The following DENND1B variants were observed in gnomAD, a reference collection of about 807,000 sequenced individuals.
The protein encoded by DENND1B is DENN domain-containing protein 1B.
A neutral mutation model predicts 90.1 loss-of-function variants in DENND1B; 59 were observed. The ratio of observed to expected loss-of-function variants is 0.65; its 90% CI spans 0.53 to 0.81. DENND1B has a LOEUF of 0.81. Ranked by LOEUF, DENND1B falls within the 40% of genes least tolerant of loss-of-function variation. The pLI, the probability that DENND1B is intolerant of heterozygous loss-of-function variation, is 0.00. For synonymous variants in DENND1B, 337 were observed against 324.6 expected, an observed-to-expected ratio of 1.04 and a Z score of -0.41; for missense variants, 862 against 912.6, an observed-to-expected ratio of 0.94 and a Z score of 0.71.
chr1:197,762,050 T>C (rs1655120893), intron 2 of DENND1B: 1 of 152,162 alleles, frequency 6.6e-6, no homozygotes, highest in African/African-American at 2.4e-5. Flanking sequence ...AGAACAATCT[T>C]TTACTAATTT....
intron 7 of DENND1B, among the ~76,000 whole-genome samples, chr1:197,651,636 T>C (rs914285477): frequency 1.2e-4 from 17 of 143,534 alleles, no homozygotes; most frequent in Non-Finnish European, 2.6e-4. Flanking sequence ...CACCTGAAAA[T>C]CAATGCTTCT....
rs1254752581 is a variant in DENND1B, at chr1:197,565,758, C to T, written c.1150-12646G>A. Among the ~76,000 whole-genome samples the T allele has an allele frequency of 1.5e-4, 23 of 150,074 alleles. No homozygotes were observed. In the South Asian group the frequency reaches 2.1e-3, roughly 14 times the overall value. On this transcript the variant is annotated intron_variant, in intron 15 of 22. Transcript: ENST00000620048. ...TGCAGTGTTTGGTTTTTTGTTCTTG[C>T]GATAGTTTACTGAGAATGATGGTTT...
intron 10 of DENND1B, among the ~76,000 whole-genome samples, chr1:197,639,322 C>T (rs1412558151): frequency 6.6e-6 from 1 of 152,064 alleles, no homozygotes; most frequent in Non-Finnish European, 1.5e-5. Context: ...CCTCGGCCTC[C>T]CAAAGTGCTG....
chr1:197,567,545 G>T (rs759691331), intron 15 of DENND1B, among the ~76,000 whole-genome samples: 2 of 151,958 alleles, frequency 1.3e-5, no homozygotes, highest in African/African-American at 4.8e-5. Context: ...AAAAGAAAGC[G>T]AATTACATCC....
In DENND1B at chr1:197,611,971, G is replaced by A; in HGVS notation, c.779C>T (p.Pro260Leu). Reference protein sequence around the residue: ...PPHLLDYCCAPMPYLIGIHSS... With the variant: ...PPHLLDYCCALMPYLIGIHSS... ...GTGTATTCCAATCAGGTATGGCATT[G>A]GGGCACTAAATTAAAAATATATATA... The change falls in exon 12 of 23, where the codon CCA becomes CTA. Residue 260 changes from proline to leucine, a missense_variant. Coordinates refer to ENST00000620048, the MANE Select transcript of DENND1B (RefSeq NM_001195215.2). 1 of 1,602,568 alleles carries A rather than the reference G, an allele frequency of 6.2e-7. No homozygotes were observed. The highest frequency in any genetic ancestry group is 8.5e-7 in the Non-Finnish European group (1 of 1,172,216).
At chr1:197,544,971 G>GGAGGA (rs1670667807) in intron 18 of DENND1B, among the ~76,000 whole-genome samples, 1 of 3,172 alleles carries the variant, frequency 3.2e-4, no homozygotes, top group Admixed American at 3.7e-3. Flanking sequence ...AGGAGAAGGA[G>GGAGGA]GAAGGAGGAA....
chr1:197,767,325 T>C (rs1247700341), intron 2 of DENND1B, among the ~76,000 whole-genome samples: 2 of 152,008 alleles, frequency 1.3e-5, no homozygotes, highest in African/African-American at 2.4e-5. Flanking sequence ...GAGTCTAGTG[T>C]AGATAGTATC....
Position 197,595,246 on chromosome 1 carries a change from A to C in DENND1B, c.1009T>G (p.Leu337Val). 1.9e-6 allele frequency: 3 copies of C among 1,613,366 alleles called. No individual in the cohort carries two copies. Among genetic ancestry groups the C allele is most frequent in the Non-Finnish European group, 2.5e-6 (3 of 1,179,428 alleles). ...AGTGCATCTCTGTAGGATCCAAACA[A>C]AGCAGCCTGTGCTCTAAGAAAGGCC... ...ARAFLRAQAA[L>V]FGSYRDALRY... is the part of the protein sequence containing the mutation. The change falls in exon 14 of 23, where the codon TTG becomes GTG. Residue 337 changes from leucine (L) to valine (V), a missense_variant. Coordinates refer to ENST00000620048, the MANE Select transcript of DENND1B (RefSeq NM_001195215.2).
chr1:197,610,939 C>T (rs1209450981), intron 12 of DENND1B, among the ~76,000 whole-genome samples: 4 of 150,516 alleles, frequency 2.7e-5, no homozygotes, highest in African/African-American at 7.3e-5. Flanking sequence ...GAAAAAATGC[C>T]GGAACCTAGA....
In DENND1B at chr1:197,550,298, T is replaced by TA. The variant is rs773197666; in HGVS notation, c.1240+2723dup. On this transcript the variant is annotated intron_variant, in intron 16 of 22. Transcript: ENST00000620048. The stretch of plus-strand genomic sequence containing the variant: ...GTTTTTGCATTAAGAAAATCTACTA[T>TA]AAAAAACAGTATATCTTTGAAGCCA... 4.6e-5 allele frequency among the ~76,000 whole-genome samples: 7 copies of TA among 152,204 alleles called. No homozygotes were observed. The East Asian group carries it at 5.8e-4, about 13-fold the overall frequency.
At chr1:197,515,519 T>C (rs567052864) in intron 20 of DENND1B, among the ~76,000 whole-genome samples, 50 of 151,810 alleles carry the variant, frequency 3.3e-4, no homozygotes, top group Non-Finnish European at 6.6e-4. Context: ...TTATACCAGC[T>C]AGCAGGTCCT....
At chr1:197,539,710 TTG>T (rs1670186379) in intron 20 of DENND1B, among the ~76,000 whole-genome samples, 1 of 152,146 alleles carries the variant, frequency 6.6e-6, no homozygotes, top group Admixed American at 6.6e-5. Context: ...ACACATTCAA[TTG>T]TCTTTTCCTT....
At chr1:197,539,335 T>C (rs1670153163) in intron 20 of DENND1B, among the ~76,000 whole-genome samples, 1 of 152,206 alleles carries the variant, frequency 6.6e-6, no homozygotes, top group South Asian at 2.1e-4. Flanking sequence ...GAATTCTTTT[T>C]TGAAGCTAGT....
At chr1:197,584,187 A>T (rs1311630167) in intron 14 of DENND1B, among the ~76,000 whole-genome samples, 1 of 152,228 alleles carries the variant, frequency 6.6e-6, no homozygotes, top group Non-Finnish European at 1.5e-5. Flanking sequence ...TTATAATTTA[A>T]TCTTAAGGAA....
At chr1:197,623,484 C>T (rs1367966146) in intron 10 of DENND1B, among the ~76,000 whole-genome samples, 1 of 151,468 alleles carries the variant, frequency 6.6e-6, no homozygotes, top group Non-Finnish European at 1.5e-5. Flanking sequence ...TTAAGAAAAA[C>T]TCTAATATTC....
rs1248922402 is a variant in DENND1B at position 197,769,949 on chromosome 1, T to G, written c.82+2919A>C. ...ATTACAGAAACATAAATCTCTCAAT[T>G]TGGCAAAAAAATTTACTTTTATAGC... is the stretch of plus-strand genomic sequence containing the variant. On this transcript the variant is annotated intron_variant, in intron 2 of 22. Coordinates refer to ENST00000620048, the MANE Select transcript of DENND1B (RefSeq NM_001195215.2). Among the ~76,000 whole-genome samples the G allele has an allele frequency of 5.3e-5, 8 of 152,236 alleles. No individual in the cohort carries two copies. The East Asian group carries it at 1.3e-3, about 26-fold the overall frequency.
At chr1:197,753,210 C>T (rs1457304695) in intron 2 of DENND1B, among the ~76,000 whole-genome samples, 1 of 151,878 alleles carries the variant, frequency 6.6e-6, no homozygotes, top group Non-Finnish European at 1.5e-5. Context: ...ATCAAACGTG[C>T]AAAAGACAAA....
chr1:197,569,466 TGCATTACATGTTCAATACA>T (rs1311376029), intron 15 of DENND1B, among the ~76,000 whole-genome samples: 2 of 152,126 alleles, frequency 1.3e-5, no homozygotes, highest in African/African-American at 4.8e-5. Context: ...AAGATCTATC[TGCATTACATGTTCAATACA>T]GCATTACTCA....
chr1:197,769,517 A>G (rs1194585605), intron 2 of DENND1B, among the ~76,000 whole-genome samples: 1 of 152,166 alleles, frequency 6.6e-6, no homozygotes, highest in African/African-American at 2.4e-5. Context: ...AAGCCCTCCA[A>G]TGACACCATT....
Sources: gnomAD v4.1 joint callset for allele counts (sites outside exome capture counted in the v4.1 genomes callset) on GRCh38, gnomAD v4.1.1 for gene constraint, MANE v1.5 for transcripts, NCBI Gene and HGNC (gene_info 2026-07-23, HGNC 2026-07-21) for gene names.